The following ANO3 variants were observed in gnomAD, a reference collection of about 807,000 sequenced individuals.
ANO3 encodes anoctamin-3.
In ANO3, 99 loss-of-function variants were observed where a neutral mutation model predicts 144.8. That is an observed-to-expected ratio of 0.68 (90% CI 0.58 to 0.81). The LOEUF (loss-of-function observed/expected upper bound fraction) is 0.81. Among genes scored for constraint, ANO3 ranks in the 30% least tolerant of loss-of-function variants. The probability of loss-of-function intolerance (pLI) is 0.00; values close to 1 mark genes in which losing one functional copy is unlikely to be tolerated. For synonymous variants in ANO3, 414 were observed against 392.6 expected (o/e 1.05, Z -0.64); for missense variants, 905 against 1,202.2 (o/e 0.75, Z 3.66).
At chr11:26,283,317 A>AATTAT (rs1853720512) in intron 1 of ANO3, among the ~76,000 whole-genome samples, 1 of 77,578 alleles carries the variant, frequency 1.3e-5, no homozygotes, top group Non-Finnish European at 2.7e-5. Context: ...TAAACAAATA[A>AATTAT]ATAAATATAT....
chr11:26,418,572 G>C (rs1857659772), intron 1 of ANO3, among the ~76,000 whole-genome samples: 1 of 152,014 alleles, frequency 6.6e-6, no homozygotes, highest in Non-Finnish European at 1.5e-5. Flanking sequence ...AAACTTTGCT[G>C]CTTGCCAGAA....
chr11:26,295,204 C>T (rs1041201397), intron 1 of ANO3, among the ~76,000 whole-genome samples: 1 of 152,012 alleles, frequency 6.6e-6, no homozygotes, highest in Non-Finnish European at 1.5e-5. Flanking sequence ...TGAGCCACCG[C>T]GCCTGCCTCA....
At chr11:26,508,430 A>G in intron 5 of ANO3, 168 bp downstream of exon 5, 1 of 550,204 alleles carries the variant, frequency 1.8e-6, no homozygotes, top group South Asian at 3.5e-5. Context: ...ATATGTATTC[A>G]CTTTTTAATC....
At chr11:26,629,726 G>A (rs1241120341) in intron 18 of ANO3, among the ~76,000 whole-genome samples, 2 of 152,126 alleles carry the variant, frequency 1.3e-5, no homozygotes, top group Non-Finnish European at 1.5e-5. Flanking sequence ...CCGCCTCTCA[G>A]GTTCAAGCAG....
At chr11:26,251,704 T>G (rs1441487180) in intron 1 of ANO3, among the ~76,000 whole-genome samples, 3 of 152,126 alleles carry the variant, frequency 2.0e-5, no homozygotes, top group African/African-American at 7.2e-5. Flanking sequence ...TGGGGAGGCC[T>G]CAGGAAACTT....
intron 24 of ANO3, among the ~76,000 whole-genome samples, chr11:26,649,814 A>T (rs4254034): frequency 0.77 from 116,292 of 151,972 alleles, 45,183 homozygotes; most frequent in East Asian, 0.86. Context: ...TCTAAAGCAC[A>T]ATTTAAGTGT....
At chr11:26,503,762 G>C (rs949732649) in intron 4 of ANO3, among the ~76,000 whole-genome samples, 1 of 152,114 alleles carries the variant, frequency 6.6e-6, no homozygotes, top group Non-Finnish European at 1.5e-5. Context: ...ACAGATAGCT[G>C]TCTTTCTGGG....
intron 12 of ANO3, 37 bp from the exon 13 acceptor site, chr11:26,553,212 A>ATT: frequency 1.6e-6 from 2 of 1,240,244 alleles, no homozygotes; most frequent in Admixed American, 1.8e-5. Context: ...GTTTCATGCT[A>ATT]TGTTTTGTTT....
At chr11:26,400,230 G>A (rs1441971505) in intron 1 of ANO3, among the ~76,000 whole-genome samples, 2 of 151,944 alleles carry the variant, frequency 1.3e-5, no homozygotes, top group Non-Finnish European at 2.9e-5. Context: ...TGATTATTAT[G>A]GGTTATGAGC....
intron 21 of ANO3, 148 bp downstream of exon 21, chr11:26,639,389 T>C (rs867554161): frequency 1.1e-5 from 7 of 621,290 alleles, no homozygotes; most frequent in African/African-American, 9.2e-5. Flanking sequence ...TGTCTGCCCA[T>C]GTGTAAATTA....
intron 18 of ANO3, among the ~76,000 whole-genome samples, chr11:26,624,937 T>G (rs1339012652): frequency 1.3e-5 from 2 of 151,484 alleles, no homozygotes; most frequent in Non-Finnish European, 3.0e-5. Flanking sequence ...TTTTTTTTTT[T>G]CTGAGATGGA....
chr11:26,591,094 T>G (rs1851436660), intron 14 of ANO3, among the ~76,000 whole-genome samples: 1 of 152,150 alleles, frequency 6.6e-6, no homozygotes. Flanking sequence ...CCTAATTGGT[T>G]GGGTGTGAGG....
chr11:26,644,040 A>C (rs1853259280), intron 23 of ANO3, among the ~76,000 whole-genome samples: 1 of 152,156 alleles, frequency 6.6e-6, no homozygotes, highest in African/African-American at 2.4e-5. Flanking sequence ...GCTATAAATT[A>C]CCCAGTCTCA....
intron 1 of ANO3, among the ~76,000 whole-genome samples, chr11:26,348,121 T>G (rs1262149508): frequency 6.6e-6 from 1 of 152,220 alleles, no homozygotes; most frequent in East Asian, 1.9e-4. Context: ...TTTCCCTCTT[T>G]TCTTTCCTCC....
chr11:26,269,926 C>T (rs1853405177), intron 1 of ANO3, among the ~76,000 whole-genome samples: 1 of 152,106 alleles, frequency 6.6e-6, no homozygotes, highest in Non-Finnish European at 1.5e-5. Context: ...AGGCCCTAAT[C>T]AAACATGACT....
At chr11:26,581,738 AT>A (rs1851140257) in intron 14 of ANO3, among the ~76,000 whole-genome samples, 1 of 150,802 alleles carries the variant, frequency 6.6e-6, no homozygotes, top group African/African-American at 2.4e-5. Flanking sequence ...ATGCCATGCC[AT>A]TTCCTAGGTC....
intron 18 of ANO3, among the ~76,000 whole-genome samples, chr11:26,629,398 C>CTATT (rs67911547): frequency 1.5e-4 from 9 of 60,938 alleles, no homozygotes; most frequent in Non-Finnish European, 4.7e-4. Context: ...TACATTATTC[C>CTATT]TATCTATCTA....
chr11:26,580,916 A>T (rs1851112337), intron 14 of ANO3, among the ~76,000 whole-genome samples: 2 of 152,218 alleles, frequency 1.3e-5, no homozygotes, highest in South Asian at 4.1e-4. Context: ...CTGCTGATTG[A>T]TGGGCCACTG....
intron 23 of ANO3, among the ~76,000 whole-genome samples, chr11:26,647,161 G>A (rs7124390): frequency 6.6e-6 from 1 of 151,922 alleles, no homozygotes; most frequent in Non-Finnish European, 1.5e-5. Context: ...ATCTTCAAAA[G>A]TTTTTTGTGT....
Sources: allele counts gnomAD v4.1 joint callset (sites outside exome capture counted in the v4.1 genomes callset), GRCh38; gene constraint gnomAD v4.1.1; transcripts MANE v1.5; gene names NCBI Gene and HGNC (gene_info 2026-07-23, HGNC 2026-07-21).